The following SLC39A11 variants were observed in gnomAD, a reference collection of about 807,000 sequenced individuals.
The protein encoded by SLC39A11 is solute carrier family 39 member 11, also known as zinc transporter ZIP11.
In SLC39A11, 33 loss-of-function variants were observed where a neutral mutation model predicts 36.1. The observed-to-expected ratio is 0.91, with a 90% CI of 0.69 to 1.22. The LOEUF (loss-of-function observed/expected upper bound fraction) is 1.22. Ranked by LOEUF, SLC39A11 falls within the 50% of genes most tolerant of loss-of-function variation. The pLI is 0.00. For missense variants in SLC39A11, 432 were observed against 430.3 expected, an observed-to-expected ratio of 1.00 and a Z score of -0.03; for synonymous variants, 166 against 170.3, an observed-to-expected ratio of 0.97 and a Z score of 0.20.
At chr17:72,751,561 C>T (rs1334775517) in intron 6 of SLC39A11, among the ~76,000 whole-genome samples, 2 of 152,092 alleles carry the variant, frequency 1.3e-5, no homozygotes, top group Non-Finnish European at 2.9e-5. Context: ...CAGCCATCGC[C>T]ACCACCCATC....
At chr17:73,016,576 C>T (rs2058175357) in intron 4 of SLC39A11, among the ~76,000 whole-genome samples, 4 of 152,106 alleles carry the variant, frequency 2.6e-5, no homozygotes, top group Non-Finnish European at 1.5e-5. Context: ...TCAGGTGATC[C>T]ACCTGCCTCA....
intron 6 of SLC39A11, among the ~76,000 whole-genome samples, chr17:72,806,743 G>A (rs553307914): frequency 1.8e-4 from 27 of 152,124 alleles, no homozygotes; most frequent in East Asian, 5.8e-4. Flanking sequence ...TCACCATGCC[G>A]GGCTAATTTC....
intron 7 of SLC39A11, among the ~76,000 whole-genome samples, chr17:72,722,339 A>G (rs2073718986): frequency 1.3e-5 from 2 of 152,162 alleles, no homozygotes; most frequent in African/African-American, 4.8e-5. Flanking sequence ...ATTTCAAGAA[A>G]CTAGATTTTC....
At chr17:72,649,387 C>T in intron 7 of SLC39A11, 119 bp from the exon 8 acceptor site, 2 of 762,456 alleles carry the variant, frequency 2.6e-6, no homozygotes, top group Non-Finnish European at 4.3e-6. Flanking sequence ...AGACCTGTGA[C>T]CTGCAGTAGG....
At chr17:72,840,744 C>A (rs894695556) in intron 6 of SLC39A11, among the ~76,000 whole-genome samples, 1 of 148,574 alleles carries the variant, frequency 6.7e-6, no homozygotes, top group African/African-American at 2.5e-5. Flanking sequence ...GTGACAAGAG[C>A]GAGACTCCAT....
At chr17:72,836,267 A>G (rs1425657532) in intron 6 of SLC39A11, among the ~76,000 whole-genome samples, 3 of 152,182 alleles carry the variant, frequency 2.0e-5, no homozygotes, top group African/African-American at 7.2e-5. Flanking sequence ...AAAGAAACAC[A>G]GAGCTCACCA....
rs772902889 is a variant in SLC39A11 at position 72,935,608 on chromosome 17, G to A, written c.430+12144C>T. Among the ~76,000 whole-genome samples, 17 of 152,066 alleles carry A rather than the reference G, an allele frequency of 1.1e-4. No individual in the cohort carries two copies. The East Asian group carries it at 1.7e-3, about 16-fold the overall frequency. On this transcript the variant is annotated intron_variant, in intron 5 of 9. Transcript: ENST00000255559. Reference sequence around the variant, plus strand: ...GCAATTCTTTTTGAGACAGAGTCTCGCTCTGCAGCCCAGGCTGGAGTGCAG... The same window carrying A: ...GCAATTCTTTTTGAGACAGAGTCTCACTCTGCAGCCCAGGCTGGAGTGCAG...
intron 5 of SLC39A11, among the ~76,000 whole-genome samples, chr17:72,935,305 C>G (rs1307643503): frequency 6.6e-6 from 1 of 152,104 alleles, no homozygotes; most frequent in Non-Finnish European, 1.5e-5. Context: ...AGGTGACATT[C>G]TGGAAGAGGC....
chr17:72,668,164 C>T (rs1330101225), intron 7 of SLC39A11, among the ~76,000 whole-genome samples: 1 of 151,664 alleles, frequency 6.6e-6, no homozygotes, highest in East Asian at 1.9e-4. Context: ...AATATTAATG[C>T]TGTTTGCTAT....
intron 7 of SLC39A11, among the ~76,000 whole-genome samples, chr17:72,693,309 G>A (rs1405074384): frequency 7.1e-6 from 1 of 140,590 alleles, no homozygotes. Context: ...AGGGAACACT[G>A]ACCAGCCAGC....
At chr17:72,995,354 T>A (rs1191755818) in intron 4 of SLC39A11, among the ~76,000 whole-genome samples, 1 of 152,216 alleles carries the variant, frequency 6.6e-6, no homozygotes, top group African/African-American at 2.4e-5. Flanking sequence ...CTCATCATTT[T>A]CCCCAATGCC....
intron 4 of SLC39A11, among the ~76,000 whole-genome samples, chr17:72,981,487 C>T (rs141139138): frequency 6.6e-6 from 1 of 151,194 alleles, no homozygotes; most frequent in African/African-American, 2.4e-5. Context: ...TCTGGAAATA[C>T]ATACATTTTA....
intron 4 of SLC39A11, among the ~76,000 whole-genome samples, chr17:72,959,163 T>TG (rs985677508): frequency 6.6e-6 from 1 of 151,650 alleles, no homozygotes; most frequent in African/African-American, 2.4e-5. Context: ...ATCCTACTAC[T>TG]GGGTATCTAG....
At chr17:72,937,979 A>C (rs940449082) in intron 5 of SLC39A11, among the ~76,000 whole-genome samples, 1 of 152,222 alleles carries the variant, frequency 6.6e-6, no homozygotes, top group Non-Finnish European at 1.5e-5. Flanking sequence ...AGACAGAGAG[A>C]GTGAATTCTG....
chr17:72,834,614 T>C (rs1182420933), intron 6 of SLC39A11, among the ~76,000 whole-genome samples: 1 of 143,140 alleles, frequency 7.0e-6, no homozygotes, highest in Non-Finnish European at 1.5e-5. Flanking sequence ...AGAGTGAGAC[T>C]CCAACTCCAT....
At chr17:72,883,426 G>C (rs911479160) in intron 5 of SLC39A11, among the ~76,000 whole-genome samples, 3 of 151,822 alleles carry the variant, frequency 2.0e-5, no homozygotes, top group Non-Finnish European at 4.4e-5. Context: ...GACTGAACCA[G>C]TTGAGGTACC....
chr17:72,652,682 C>T (rs573233890), intron 7 of SLC39A11, among the ~76,000 whole-genome samples: 22 of 152,302 alleles, frequency 1.4e-4, no homozygotes, highest in South Asian at 6.2e-4. Context: ...AAACTCATTC[C>T]TCTGCAAAGC....
intron 3 of SLC39A11, among the ~76,000 whole-genome samples, chr17:73,071,061 G>A (rs1166003423): frequency 6.6e-6 from 1 of 152,120 alleles, no homozygotes; most frequent in Non-Finnish European, 1.5e-5. Flanking sequence ...TCAAGGCATT[G>A]GGGTTTTTTA....
chr17:72,855,708 A>G (rs1311248358), intron 5 of SLC39A11, among the ~76,000 whole-genome samples: 1 of 151,222 alleles, frequency 6.6e-6, no homozygotes. Flanking sequence ...CATCCTGGCT[A>G]ACACAGTGAA....
Sources: allele counts gnomAD v4.1 joint callset (sites outside exome capture counted in the v4.1 genomes callset), GRCh38; gene constraint gnomAD v4.1.1; transcripts MANE v1.5; gene names NCBI Gene and HGNC (gene_info 2026-07-23, HGNC 2026-07-21).